The following PTAFR variants were observed in gnomAD, a reference collection of about 807,000 sequenced individuals.
The protein encoded by PTAFR is platelet activating factor receptor.
PTAFR carries 8 observed loss-of-function variants against 14.7 expected under a neutral mutation model. The observed-to-expected ratio is 0.54, with a 90% CI of 0.32 to 0.98. The LOEUF is 0.98. Ranked by LOEUF, PTAFR falls within the 50% of genes least tolerant of loss-of-function variation. The probability of loss-of-function intolerance (pLI) is 0.04; values close to 1 mark genes in which losing one functional copy is unlikely to be tolerated. For missense variants in PTAFR, 337 were observed against 451.2 expected (o/e 0.75, Z 2.29); for synonymous variants, 156 against 176.5 (o/e 0.88, Z 0.92).
At chr1:28,191,921 G>A (rs1292835593) in intron 1 of PTAFR, among the ~76,000 whole-genome samples, 1 of 151,942 alleles carries the variant, frequency 6.6e-6, no homozygotes, top group East Asian at 1.9e-4. Flanking sequence ...ATAAAAATTA[G>A]CTGGTCATGG....
At chr1:28,168,486 G>A in intron 1 of PTAFR, among the ~76,000 whole-genome samples, 1 of 152,114 alleles carries the variant, frequency 6.6e-6, no homozygotes, top group East Asian at 1.9e-4. Flanking sequence ...TTTCTGCTAA[G>A]TGAAATAAGC....
At chr1:28,175,652 G>A (rs1206529304) in intron 1 of PTAFR, among the ~76,000 whole-genome samples, 1 of 151,978 alleles carries the variant, frequency 6.6e-6, no homozygotes, top group Non-Finnish European at 1.5e-5. Flanking sequence ...CCCAGCACCT[G>A]GGACCTGATA....
At chr1:28,158,734 C>T (rs975825173) in intron 1 of PTAFR, among the ~76,000 whole-genome samples, 1 of 151,992 alleles carries the variant, frequency 6.6e-6, no homozygotes, top group African/African-American at 2.4e-5. Context: ...AAGATGGGTC[C>T]TAGAGGTTAG....
intron 1 of PTAFR, among the ~76,000 whole-genome samples, chr1:28,158,784 T>G (rs913983020): frequency 6.6e-6 from 1 of 152,028 alleles, no homozygotes; most frequent in Non-Finnish European, 1.5e-5. Context: ...CAATGGGAGT[T>G]ATTGAAGGAT....
chr1:28,151,549 G>T (rs1248913377), intron 1 of PTAFR, among the ~76,000 whole-genome samples: 1 of 151,972 alleles, frequency 6.6e-6, no homozygotes, highest in Non-Finnish European at 1.5e-5. Flanking sequence ...GGTGGAATGG[G>T]ATTAGCACAC....
At chr1:28,163,384 C>T (rs184847954) in intron 1 of PTAFR, among the ~76,000 whole-genome samples, 12 of 152,138 alleles carry the variant, frequency 7.9e-5, no homozygotes, top group African/African-American at 2.4e-4. Context: ...ATCCCAGTGT[C>T]GGGCACCGAG....
upstream of PTAFR, among the ~76,000 whole-genome samples, chr1:28,179,552 A>G (rs2149005616): frequency 6.6e-6 from 1 of 152,264 alleles, no homozygotes; most frequent in South Asian, 2.1e-4. Flanking sequence ...ACAGTGACTC[A>G]CGCCTGTAAT....
intron 1 of PTAFR, among the ~76,000 whole-genome samples, chr1:28,170,793 G>A (rs1646444721): frequency 6.6e-6 from 1 of 151,978 alleles, no homozygotes; most frequent in Non-Finnish European, 1.5e-5. Flanking sequence ...AAGATCAGGA[G>A]ATCGAGACCA....
rs1646158568 is a variant in PTAFR at position 28,149,905 on chromosome 1, G to A, written c.*88C>T. The A allele has an allele frequency of 4.7e-6, 7 of 1,483,494 alleles. No homozygotes were observed. The highest frequency in any genetic ancestry group is 6.4e-6 in the Non-Finnish European group (7 of 1,100,156). 91.9% of individuals were successfully genotyped at this position (1,483,494 alleles called of 1,614,324 possible). A position where few individuals can be genotyped will look rare whatever the true frequency, so the allele number is the denominator to read the frequency against. ...TGGCCCACCAGTGCCCACAGAGGTG[G>A]TGCCCAGACCACAGTAGATATCCCT... On this transcript the variant is annotated 3_prime_UTR_variant, in exon 2 of 2. Transcript: ENST00000373857.
rs201541070 is a variant in PTAFR at position 28,150,982 on chromosome 1, G to C, written c.40C>G (p.Arg14Gly). ...HDSSHMDSEF[R>G]YTLFPIVYSI... ...TAAACAATCGGGAAGAGAGTGTATC[G>C]GAACTCAGAGTCCATGTGGGAGGAG... The change falls in exon 2 of 2, where the codon CGA becomes GGA. Residue 14 changes from arginine (R) to glycine (G), a missense_variant. By Grantham distance (125) the Arg-to-Gly change is moderately radical. Coordinates refer to ENST00000373857, the MANE Select transcript of PTAFR (RefSeq NM_000952.5). The surrounding 1 kb of genome is among the most constrained non-coding windows in gnomAD (Gnocchi z 6.3). The C allele has an allele frequency of 1.2e-5, 20 of 1,608,564 alleles. No individual in the cohort carries two copies. Among genetic ancestry groups the C allele is most frequent in the Non-Finnish European group, 1.7e-5 (20 of 1,176,680 alleles).
rs1179677413 is a variant in PTAFR at position 28,150,455 on chromosome 1, G to A, written c.567C>T (p.Ile189=). The change falls in exon 2 of 2, where the codon ATC becomes ATT. Residue 189 remains isoleucine (I), a synonymous_variant. Coordinates refer to ENST00000373857, the MANE Select transcript of PTAFR (RefSeq NM_000952.5). The surrounding 1 kb of genome is among the most constrained non-coding windows in gnomAD (Gnocchi z 6.3). ...CCAGGAAGAAGCTGAACACGATGAAGATGTGGATGATGAGGACTGGCACGC... is the reference window on the plus strand; with the variant it reads ...CCAGGAAGAAGCTGAACACGATGAAAATGTGGATGATGAGGACTGGCACGC... The part of the protein sequence containing the change: ...KGSVPVLIIH[I]FIVFSFFLVF... 5.0e-6 allele frequency: 8 copies of A among 1,614,206 alleles called. No homozygotes were observed. In the East Asian group the frequency reaches 1.8e-4, roughly 36 times the overall value.
intron 1 of PTAFR, among the ~76,000 whole-genome samples, chr1:28,155,264 G>A (rs903272877): frequency 6.6e-5 from 10 of 152,266 alleles, no homozygotes; most frequent in Admixed American, 3.3e-4. Context: ...AGGCTGGAGC[G>A]CAGTGGTGCA....
intron 1 of PTAFR, among the ~76,000 whole-genome samples, chr1:28,156,234 G>A (rs994985667): frequency 4.0e-5 from 6 of 149,982 alleles, no homozygotes; most frequent in Non-Finnish European, 3.0e-5. Flanking sequence ...TTGCATTCCA[G>A]CAGCCTGGGC....
intron 1 of PTAFR, among the ~76,000 whole-genome samples, chr1:28,160,866 C>A (rs1557688591): frequency 6.6e-6 from 1 of 152,176 alleles, no homozygotes; most frequent in Non-Finnish European, 1.5e-5. Flanking sequence ...GCCTTCTGTT[C>A]AATCCCAGGC....
chr1:28,163,609 T>A (rs991694697), intron 1 of PTAFR, among the ~76,000 whole-genome samples: 6 of 152,214 alleles, frequency 3.9e-5, no homozygotes, highest in African/African-American at 7.2e-5. Flanking sequence ...TAACCTTCAA[T>A]GTCTTCATTT....
chr1:28,151,241 G>A (rs1461598676), intron 1 of PTAFR, among the ~76,000 whole-genome samples, 182 bp from the exon 2 acceptor site: 4 of 151,426 alleles, frequency 2.6e-5, no homozygotes, highest in Non-Finnish European at 4.4e-5. Flanking sequence ...GTGCAGTGGC[G>A]TGATCTCAGC....
chr1:28,162,288 C>T lies in PTAFR; in HGVS notation c.-38-11229G>A, dbSNP rs143321785. 3.4e-3 allele frequency among the ~76,000 whole-genome samples: 513 copies of T among 152,228 alleles called. 2 individuals carry two copies. Among genetic ancestry groups the T allele is most frequent in the African/African-American group, 0.011 (470 of 41,540 alleles). On this transcript the variant is annotated intron_variant, in intron 1 of 1. Coordinates refer to ENST00000373857, the MANE Select transcript of PTAFR (RefSeq NM_000952.5). The stretch of plus-strand genomic sequence containing the variant: ...AAGTGGCATTTTCAATTCCTCTCCC[C>T]GTCCCCTGTACTCAGGGAGCTTGGC...
chr1:28,166,856 T>C (rs1387356192), intron 1 of PTAFR, among the ~76,000 whole-genome samples: 2 of 152,024 alleles, frequency 1.3e-5, no homozygotes, highest in Non-Finnish European at 2.9e-5. Context: ...CATGCACCTG[T>C]AGTCTCAGCT....
At chr1:28,156,735 C>T (rs970445442) in intron 1 of PTAFR, among the ~76,000 whole-genome samples, 5 of 152,228 alleles carry the variant, frequency 3.3e-5, no homozygotes, top group South Asian at 2.1e-4. Flanking sequence ...ACAATCTCAG[C>T]ACCCCTGCCC....
Sources: allele counts gnomAD v4.1 joint callset (sites outside exome capture counted in the v4.1 genomes callset), GRCh38; gene constraint gnomAD v4.1.1; non-coding constraint Gnocchi (gnomAD v3.1); transcripts MANE v1.5; gene names NCBI Gene and HGNC (gene_info 2026-07-23, HGNC 2026-07-21).